MEF2B: variants seen among roughly 807,000 people sequenced by gnomAD.
MEF2B encodes the protein myocyte enhancer factor 2B.
In MEF2B, 15 loss-of-function variants were observed where a neutral mutation model predicts 32.2. The observed-to-expected ratio is 0.47, with a 90% CI of 0.31 to 0.72. The LOEUF is 0.72. Among genes scored for constraint, MEF2B ranks in the 30% least tolerant of loss-of-function variants. MEF2B has a pLI of 0.05. For synonymous variants in MEF2B, 205 were observed against 225.6 expected, an observed-to-expected ratio of 0.91 and a Z score of 0.82; for missense variants, 441 against 511.5, an observed-to-expected ratio of 0.86 and a Z score of 1.33.
At position 19,153,607 on chromosome 19, in the gene MEF2B, C is replaced by T. The variant is rs771280404; in HGVS notation, c.-29-2843G>A. Among the ~76,000 whole-genome samples the T allele has an allele frequency of 3.9e-5, 6 of 152,048 alleles. No individual in the cohort carries two copies. In the East Asian group the frequency reaches 9.6e-4, roughly 24 times the overall value. On this transcript the variant is annotated intron_variant, in intron 1 of 8. Coordinates refer to ENST00000424583, the MANE Select transcript of MEF2B (RefSeq NM_001145785.2). The stretch of plus-strand genomic sequence containing the variant: ...AAGTAGCTGCGATTACGGGCATGCA[C>T]CACCACACCTCGCTAATTTTTGTAT...
chr19:19,150,644 A>G (rs1277685648), intron 2 of MEF2B, 38 bp downstream of exon 2: 2 of 1,613,540 alleles, frequency 1.2e-6, no homozygotes, highest in Admixed American at 1.7e-5. Flanking sequence ...CCTGCTAGGA[A>G]TGTCTTTCCC....
At chr19:19,154,667 C>T (rs1417893591) in intron 1 of MEF2B, among the ~76,000 whole-genome samples, 1 of 151,738 alleles carries the variant, frequency 6.6e-6, no homozygotes, top group Non-Finnish European at 1.5e-5. Context: ...TGATCTTGAA[C>T]TCCTGACCTC....
At chr19:19,169,479 A>C (rs1055566055) in intron 1 of MEF2B, among the ~76,000 whole-genome samples, 4 of 152,186 alleles carry the variant, frequency 2.6e-5, no homozygotes, top group Non-Finnish European at 4.4e-5. Context: ...CTGGGATTAC[A>C]GGCATGAGCC....
Position 19,149,326 on chromosome 19 carries a change from C to G in MEF2B, c.158G>C (p.Arg53Pro). 1 of 1,613,884 alleles carries G rather than the reference C, an allele frequency of 6.2e-7. No homozygotes were observed. Among genetic ancestry groups the G allele is most frequent in the Non-Finnish European group, 8.5e-7 (1 of 1,179,998 alleles). Residue 53 changes from arginine to proline, a missense_variant, in exon 3 of 9, where the codon CGC becomes CCC. Transcript: ENST00000424583. ...GTCCGTGCTGGCATACTGGAAGAGG[C>G]GGTTGGCGCTGTTGAAGATGATGAG... Reference protein sequence around the residue: ...IALIIFNSANRLFQYASTDMD... With the variant: ...IALIIFNSANPLFQYASTDMD...
At chr19:19,163,195 AC>A (rs1445505412) in intron 1 of MEF2B, among the ~76,000 whole-genome samples, 1 of 151,960 alleles carries the variant, frequency 6.6e-6, no homozygotes, top group East Asian at 1.9e-4. Context: ...TCATTCTGTC[AC>A]CCGGGCTGGA....
chr19:19,150,051 C>T lies in MEF2B; in HGVS notation c.55-622G>A, dbSNP rs373738828. On this transcript the variant is annotated intron_variant, in intron 2 of 8. Coordinates refer to ENST00000424583, the MANE Select transcript of MEF2B (RefSeq NM_001145785.2). ...AGTGAGCCGAGATCGCTCCACTGCACTCCAGCCTGGGCAACAAAGTGAACT... is the reference window on the plus strand; with the variant it reads ...AGTGAGCCGAGATCGCTCCACTGCATTCCAGCCTGGGCAACAAAGTGAACT... Among the ~76,000 whole-genome samples, 4 of 136,824 alleles carry T rather than the reference C, an allele frequency of 2.9e-5. No homozygotes were observed. In the East Asian group the frequency reaches 7.0e-4, roughly 24 times the overall value. 89.8% of individuals were successfully genotyped at this position (136,824 alleles called of 152,430 possible).
intron 1 of MEF2B, among the ~76,000 whole-genome samples, chr19:19,151,004 G>C (rs777512035): frequency 1.3e-5 from 2 of 152,226 alleles, no homozygotes; most frequent in African/African-American, 4.8e-5. Context: ...GTGATCCCTA[G>C]CACTTTGGGA....
At chr19:19,147,298 C>A in intron 4 of MEF2B, 115 bp from the exon 5 acceptor site, 1 of 884,154 alleles carries the variant, frequency 1.1e-6, no homozygotes, top group Middle Eastern at 3.6e-4. Flanking sequence ...GAAGCCTTTG[C>A]TCCACCTCCC....
At chr19:19,165,041 G>T (rs539147072) in intron 1 of MEF2B, among the ~76,000 whole-genome samples, 1 of 152,204 alleles carries the variant, frequency 6.6e-6, no homozygotes, top group African/African-American at 2.4e-5. Flanking sequence ...CGAAGATGCA[G>T]CCAGCAGGGA....
intron 1 of MEF2B, among the ~76,000 whole-genome samples, chr19:19,159,655 T>C (rs1374482679): frequency 6.6e-6 from 1 of 151,844 alleles, no homozygotes; most frequent in Non-Finnish European, 1.5e-5. Flanking sequence ...GAGGGGGAAT[T>C]GGGAGGACAA....
intron 1 of MEF2B, among the ~76,000 whole-genome samples, chr19:19,163,258 C>T (rs182442549): frequency 4.6e-5 from 7 of 152,174 alleles, no homozygotes; most frequent in African/African-American, 1.7e-4. Flanking sequence ...CGGACTCAAG[C>T]GATCATCCCA....
At position 19,146,354 on chromosome 19, in the gene MEF2B, G is replaced by T; in HGVS notation, c.800C>A (p.Pro267His). The change falls in exon 8 of 9, where the codon CCT becomes CAT. Residue 267 changes from proline (P) to histidine (H), a missense_variant. Physicochemically the swap from Pro to His is moderately conservative, Grantham distance 77. This residue lies in a region of MEF2B where 326 missense variants were observed against 328.4 expected (regional missense o/e 0.99). Coordinates refer to ENST00000424583, the MANE Select transcript of MEF2B (RefSeq NM_001145785.2). ...EYGLGDPPPP[P>H]GLLQPPTLAP... ...CAGGGTGGGGGGCTGCAACAAGCCA[G>T]GGGGCGGTGGAGGGTCTCCCAGGCC... 1 of 1,110,708 alleles carries T rather than the reference G, an allele frequency of 9.0e-7. No homozygotes were observed. The highest frequency in any genetic ancestry group is 1.2e-6 in the Non-Finnish European group (1 of 826,070). The allele number at this position is 1,110,708 out of a possible 1,614,324, so 68.8% of individuals were successfully genotyped here. A position where few individuals can be genotyped will look rare whatever the true frequency, so the allele number is the denominator to read the frequency against.
chr19:19,146,353 AG>A lies in MEF2B; in HGVS notation c.800del (p.Pro267LeufsTer137). ...CCAGGGTGGGGGGCTGCAACAAGCC[AG>A]GGGGCGGTGGAGGGTCTCCCAGGCC... ...EYGLGDPPPP[P>X]GLLQPPTLAP... On this transcript the variant is annotated frameshift_variant, in exon 8 of 9. Transcript: ENST00000424583. LOFTEE classifies it high-confidence loss of function. 28 of 893,368 alleles carry A rather than the reference AG, an allele frequency of 3.1e-5. No homozygotes were observed. Among genetic ancestry groups the A allele is most frequent in the South Asian group, 4.4e-5 (2 of 45,772 alleles). 55.3% of individuals were successfully genotyped at this position (893,368 alleles called of 1,614,324 possible). A position where few individuals can be genotyped will look rare whatever the true frequency, so the allele number is the denominator to read the frequency against.
chr19:19,170,253 T>TGCACGAAGATCAGGGGCCCGCGGCC lies in MEF2B; in HGVS notation c.-79_-78insGGCCGCGGGCCCCTGATCTTCGTGC. On this transcript the variant is annotated 5_prime_UTR_variant, in exon 1 of 9. Transcript: ENST00000424583. Reference sequence around the variant, plus strand: ...GCTGGGCGCACGGACCCGCGGCGGCTGCACGAAGATCAGGGGCCCGCGGCC... The same window carrying TGCACGAAGATCAGGGGCCCGCGGCC: ...GCTGGGCGCACGGACCCGCGGCGGCTGCACGAAGATCAGGGGCCCGCGGCCGCACGAAGATCAGGGGCCCGCGGCC... The TGCACGAAGATCAGGGGCCCGCGGCC allele has an allele frequency of 2.5e-6, 1 of 398,540 alleles. No individual in the cohort carries two copies. The highest frequency in any genetic ancestry group is 4.4e-6 in the Non-Finnish European group (1 of 225,970). 24.7% of individuals were successfully genotyped at this position (398,540 alleles called of 1,614,324 possible).
chr19:19,153,012 A>C (rs1014438023), intron 1 of MEF2B, among the ~76,000 whole-genome samples: 1 of 152,152 alleles, frequency 6.6e-6, no homozygotes, highest in African/African-American at 2.4e-5. Context: ...GCCTGTTCCC[A>C]CGGCTGGGAT....
At chr19:19,158,677 G>C (rs894716358) in intron 1 of MEF2B, among the ~76,000 whole-genome samples, 1 of 151,650 alleles carries the variant, frequency 6.6e-6, no homozygotes, top group Non-Finnish European at 1.5e-5. Flanking sequence ...AGAATCACTT[G>C]AGCCCAGGAG....
intron 1 of MEF2B, among the ~76,000 whole-genome samples, chr19:19,168,761 T>A (rs1463528912): frequency 6.6e-6 from 1 of 151,880 alleles, no homozygotes; most frequent in Middle Eastern, 3.2e-3. Flanking sequence ...ACCTGCCTAA[T>A]TAAAAAAACA....
At chr19:19,149,194 C>G (rs1390616172) in intron 3 of MEF2B, 32 bp downstream of exon 3, 1 of 1,611,246 alleles carries the variant, frequency 6.2e-7, no homozygotes, top group East Asian at 2.2e-5. Flanking sequence ...TGCACGGGGC[C>G]TTGTGGGGCT....
intron 1 of MEF2B, among the ~76,000 whole-genome samples, chr19:19,152,464 G>C (rs1317851518): frequency 6.6e-6 from 1 of 151,420 alleles, no homozygotes; most frequent in Non-Finnish European, 1.5e-5. Context: ...CCAGTATTTT[G>C]GGAGGCTGAG....
Sources: gnomAD v4.1 joint callset for allele counts (sites outside exome capture counted in the v4.1 genomes callset) on GRCh38, gnomAD v4.1.1 for gene constraint, gnomAD v4.1.1 regional missense constraint, MANE v1.5 for transcripts, NCBI Gene and HGNC (gene_info 2026-07-23, HGNC 2026-07-21) for gene names.